Variants in FGF12 observed in about 807,000 individuals in gnomAD.
FGF12 encodes the protein fibroblast growth factor 12, also known as fibroblast growth factor 12B.
Under a neutral mutation model 23.6 loss-of-function variants are expected in FGF12, and 14 were observed. The observed-to-expected ratio is 0.59, with a 90% CI of 0.39 to 0.93. The LOEUF is 0.93. Ranked by LOEUF, FGF12 falls within the 40% of genes least tolerant of loss-of-function variation. The probability of loss-of-function intolerance (pLI) is 0.00; values close to 1 mark genes in which losing one functional copy is unlikely to be tolerated. For missense variants in FGF12, 175 were observed against 217.8 expected (o/e 0.80, Z 1.24); for synonymous variants, 62 against 77.3 (o/e 0.80, Z 1.04).
chr3:192,315,438 C>T (rs984757592), intron 4 of FGF12, among the ~76,000 whole-genome samples: 2 of 152,144 alleles, frequency 1.3e-5, no homozygotes, highest in African/African-American at 4.8e-5. Context: ...ATTTAGGACA[C>T]ATAAATTCTT....
At chr3:192,568,846 G>A (rs1337061049) in intron 2 of FGF12, among the ~76,000 whole-genome samples, 1 of 152,086 alleles carries the variant, frequency 6.6e-6, no homozygotes, top group Non-Finnish European at 1.5e-5. Context: ...GCATACATGA[G>A]CATAGAGCCC....
chr3:192,416,344 T>C (rs1007257102), intron 2 of FGF12, among the ~76,000 whole-genome samples: 1 of 152,150 alleles, frequency 6.6e-6, no homozygotes, highest in Admixed American at 6.5e-5. Flanking sequence ...ACAAAGAGTA[T>C]GCAATTTAGA....
At chr3:192,329,923 C>G (rs1717020887) in intron 4 of FGF12, among the ~76,000 whole-genome samples, 1 of 152,052 alleles carries the variant, frequency 6.6e-6, no homozygotes, top group Non-Finnish European at 1.5e-5. Flanking sequence ...GCTTAACCTT[C>G]TTTTGTTTGA....
At chr3:192,282,568 T>C (rs1347016693) in intron 4 of FGF12, among the ~76,000 whole-genome samples, 3 of 152,294 alleles carry the variant, frequency 2.0e-5, no homozygotes, top group South Asian at 2.1e-4. Flanking sequence ...TTGTTTTCAC[T>C]GTGGCTTCCA....
At chr3:192,547,038 G>A (rs990739124) in intron 2 of FGF12, among the ~76,000 whole-genome samples, 1 of 152,104 alleles carries the variant, frequency 6.6e-6, no homozygotes, top group Non-Finnish European at 1.5e-5. Context: ...GCAACAGAGT[G>A]AGACCCGGTC....
At position 192,713,341 on chromosome 3, in the gene FGF12, G is replaced by T. The variant is rs145624275; in HGVS notation, c.13+13840C>A. Reference sequence around the variant, plus strand: ...AGAGAATATTGTTTAGCATATGAAGGTAAATATCAACAAGAGTCGAAAGTG... The same window carrying T: ...AGAGAATATTGTTTAGCATATGAAGTTAAATATCAACAAGAGTCGAAAGTG... On this transcript the variant is annotated intron_variant, in intron 2 of 5. Coordinates refer to ENST00000445105, the MANE Select transcript of FGF12 (RefSeq NM_004113.6). Among the ~76,000 whole-genome samples the T allele has an allele frequency of 4.2e-3, 646 of 152,180 alleles. 3 individuals are homozygous for T. Among genetic ancestry groups the T allele is most frequent in the African/African-American group, 0.015 (622 of 41,520 alleles).
chr3:192,268,527 T>C, intron 4 of FGF12: 2 of 189,542 alleles, frequency 1.1e-5, no homozygotes, highest in South Asian at 7.2e-5. Flanking sequence ...AGATGCCTCA[T>C]GAATGGCTTG....
chr3:192,501,537 A>G (rs1052817242), intron 2 of FGF12, among the ~76,000 whole-genome samples: 2 of 152,214 alleles, frequency 1.3e-5, no homozygotes, highest in Admixed American at 1.3e-4. Context: ...ATGATGACTC[A>G]TCTAGGGCTA....
At chr3:192,529,129 C>G (rs1234091898) in intron 2 of FGF12, among the ~76,000 whole-genome samples, 1 of 152,148 alleles carries the variant, frequency 6.6e-6, no homozygotes, top group Non-Finnish European at 1.5e-5. Flanking sequence ...CAAATTTTCC[C>G]AACTTTTACG....
intron 4 of FGF12, among the ~76,000 whole-genome samples, chr3:192,237,095 T>G (rs1287914069): frequency 6.6e-6 from 1 of 152,118 alleles, no homozygotes; most frequent in African/African-American, 2.4e-5. Flanking sequence ...TTTAAGAAGT[T>G]TGGTTTGTCT....
chr3:192,190,171 C>T (rs1362521977), intron 4 of FGF12, among the ~76,000 whole-genome samples: 1 of 152,198 alleles, frequency 6.6e-6, no homozygotes, highest in African/African-American at 2.4e-5. Flanking sequence ...TCTCTAGGAT[C>T]AAACACAGTG....
At chr3:192,255,235 A>G (rs989093714) in intron 4 of FGF12, among the ~76,000 whole-genome samples, 1 of 152,074 alleles carries the variant, frequency 6.6e-6, no homozygotes, top group African/African-American at 2.4e-5. Context: ...TAAAACCTCA[A>G]TAAAAGGTAA....
At chr3:192,635,020 C>T (rs1047920348) in intron 2 of FGF12, among the ~76,000 whole-genome samples, 3 of 152,070 alleles carry the variant, frequency 2.0e-5, no homozygotes, top group South Asian at 4.1e-4. Flanking sequence ...CCACCACACA[C>T]GGCTGATTTT....
chr3:192,451,454 T>C (rs992560734), intron 2 of FGF12, among the ~76,000 whole-genome samples: 1 of 152,162 alleles, frequency 6.6e-6, no homozygotes, highest in African/African-American at 2.4e-5. Context: ...CCATGAGAAC[T>C]GAAACCAGCC....
At chr3:192,337,881 T>G (rs187823051) in intron 3 of FGF12, among the ~76,000 whole-genome samples, 1 of 152,300 alleles carries the variant, frequency 6.6e-6, no homozygotes, top group Admixed American at 6.5e-5. Context: ...ATTCAGCAGA[T>G]TGCTTTAAAG....
intron 2 of FGF12, among the ~76,000 whole-genome samples, chr3:192,585,628 C>T (rs1443477021): frequency 6.6e-6 from 1 of 152,038 alleles, no homozygotes; most frequent in Non-Finnish European, 1.5e-5. Context: ...TTTCTCCCCA[C>T]TTACTGAGGA....
intron 2 of FGF12, among the ~76,000 whole-genome samples, chr3:192,634,388 A>C (rs1260954174): frequency 6.6e-6 from 1 of 152,254 alleles, no homozygotes; most frequent in Non-Finnish European, 1.5e-5. Flanking sequence ...TAGCATTTAC[A>C]TTGTATTAGA....
intron 2 of FGF12, among the ~76,000 whole-genome samples, chr3:192,654,977 T>G (rs1259202580): frequency 1.3e-5 from 2 of 152,206 alleles, no homozygotes; most frequent in African/African-American, 4.8e-5. Context: ...CCTCATTCCT[T>G]GGAGCAATGA....
rs147525691 is a variant in FGF12 at position 192,428,261 on chromosome 3, G to A, written c.14-67723C>T. ...TCCTCTACTCGACCATGATTTCCTA[G>A]AAGGCAGGGAGTCTAAATTCCTCCT... is the stretch of plus-strand genomic sequence containing the variant. On this transcript the variant is annotated intron_variant, in intron 2 of 5. Transcript: ENST00000445105. 1.6e-3 allele frequency among the ~76,000 whole-genome samples: 242 copies of A among 152,262 alleles called. 1 individual carries two copies. Among genetic ancestry groups the A allele is most frequent in the African/African-American group, 5.3e-3 (220 of 41,558 alleles).
Sources: gnomAD v4.1 joint callset for allele counts (sites outside exome capture counted in the v4.1 genomes callset) on GRCh38, gnomAD v4.1.1 for gene constraint, MANE v1.5 for transcripts, NCBI Gene and HGNC (gene_info 2026-07-23, HGNC 2026-07-21) for gene names.